The following TBC1D7 variants were observed in gnomAD, a reference collection of about 807,000 sequenced individuals.
The protein encoded by TBC1D7 is TBC domain family 7.
Under a neutral mutation model 35.3 loss-of-function variants are expected in TBC1D7, and 33 were observed. That is an observed-to-expected ratio of 0.93 (90% CI 0.71 to 1.25). TBC1D7 has a LOEUF of 1.25. Among genes scored for constraint, TBC1D7 ranks in the 50% most tolerant of loss-of-function variants. The pLI is 0.00. For missense variants in TBC1D7, 362 were observed against 365.3 expected (o/e 0.99, Z 0.07); for synonymous variants, 135 against 129.5 (o/e 1.04, Z -0.29).
At chr6:13,305,279 G>A in intron 7 of TBC1D7, 92 bp from the exon 8 acceptor site, 3 of 1,220,182 alleles carry the variant, frequency 2.5e-6, no homozygotes, top group Non-Finnish European at 3.6e-6. Context: ...CCACTTCCAT[G>A]GGAGTTTGCA....
chr6:13,317,326 G>C (rs141720577), intron 4 of TBC1D7, among the ~76,000 whole-genome samples: 2 of 152,142 alleles, frequency 1.3e-5, no homozygotes, highest in African/African-American at 4.8e-5. Context: ...AATTTCAACA[G>C]AGAAATCTTA....
rs1783287778 is a variant in TBC1D7, at chr6:13,312,449, G to A, written c.519+4122C>T. ...CACCTATAATCTCAGCACTTTGGGA[G>A]GCCGAGTGGGGGCAGATCACCTGAG... On this transcript the variant is annotated intron_variant, in intron 5 of 7. Coordinates refer to ENST00000379300, the MANE Select transcript of TBC1D7 (RefSeq NM_016495.6). Among the ~76,000 whole-genome samples the A allele has an allele frequency of 2.0e-5, 3 of 152,124 alleles. No individual in the cohort carries two copies. The South Asian group carries it at 6.2e-4, about 32-fold the overall frequency.
rs201113275 is a variant in TBC1D7 at position 13,306,442 on chromosome 6, T to C, written c.751A>G (p.Met251Val). The C allele has an allele frequency of 1.2e-6, 2 of 1,609,390 alleles. No individual in the cohort carries two copies. Among genetic ancestry groups the C allele is most frequent in the South Asian group, 2.2e-5 (2 of 90,282 alleles). ...ATCTTCTCTGCACTGTTCAGTGCCA[T>C]AACTTTTATTTTAAAGGTTAATAAA... ...EILLTFKIKV[M>V]ALNSAEKITK... The change falls in exon 7 of 8, where the codon ATG (methionine) becomes GTG (valine). Residue 251 changes from methionine to valine, a missense_variant. Transcript: ENST00000379300.
At chr6:13,321,838 C>T (rs562454670) in intron 3 of TBC1D7, among the ~76,000 whole-genome samples, 1 of 152,282 alleles carries the variant, frequency 6.6e-6, no homozygotes, top group South Asian at 2.1e-4. Flanking sequence ...TCACCAAATG[C>T]TTCTCCACAG....
At position 13,328,443 on chromosome 6, in the gene TBC1D7, G is replaced by A; in HGVS notation, c.-156C>T. On this transcript the variant is annotated 5_prime_UTR_variant, in exon 1 of 8. Coordinates refer to ENST00000379300, the MANE Select transcript of TBC1D7 (RefSeq NM_016495.6). Reference sequence around the variant, plus strand: ...GGACGAGTCCTGCGGGAAGGAGGGAGGCGGCGGGGTACCTGGGACACCCGC... The same window carrying A: ...GGACGAGTCCTGCGGGAAGGAGGGAAGCGGCGGGGTACCTGGGACACCCGC... The A allele has an allele frequency of 6.5e-6, 1 of 153,682 alleles. No individual in the cohort carries two copies. The highest frequency in any genetic ancestry group is 1.5e-5 in the Non-Finnish European group (1 of 68,350). The allele number at this position is 153,682 out of a possible 1,614,324, so 9.5% of individuals were successfully genotyped here.
At chr6:13,315,542 C>T (rs1272475027) in intron 5 of TBC1D7, among the ~76,000 whole-genome samples, 3 of 152,092 alleles carry the variant, frequency 2.0e-5, no homozygotes, top group East Asian at 1.9e-4. Flanking sequence ...GATGCAACCC[C>T]GTCTCTACTA....
chr6:13,308,152 G>GA (rs1323105050), intron 5 of TBC1D7, among the ~76,000 whole-genome samples: 1 of 152,014 alleles, frequency 6.6e-6, no homozygotes, highest in East Asian at 1.9e-4. Context: ...ATATACTAAG[G>GA]AAAAAAGGGG....
intron 5 of TBC1D7, among the ~76,000 whole-genome samples, chr6:13,315,950 C>A (rs1278106960): frequency 1.3e-5 from 2 of 152,240 alleles, no homozygotes; most frequent in African/African-American, 4.8e-5. Flanking sequence ...ACAGTTGTGG[C>A]TGGCTTGTCC....
intron 2 of TBC1D7, among the ~76,000 whole-genome samples, chr6:13,326,205 G>C (rs886371982): frequency 2.0e-5 from 3 of 152,174 alleles, no homozygotes; most frequent in Non-Finnish European, 2.9e-5. Context: ...ACTCCTGCCT[G>C]TAATCCCAGC....
At chr6:13,308,640 C>T (rs1332127881) in intron 5 of TBC1D7, among the ~76,000 whole-genome samples, 1 of 151,394 alleles carries the variant, frequency 6.6e-6, no homozygotes, top group Non-Finnish European at 1.5e-5. Flanking sequence ...TGCAGGAGTA[C>T]AACCAGGGCC....
At chr6:13,323,174 G>A (rs767552795) in intron 3 of TBC1D7, among the ~76,000 whole-genome samples, 9 of 152,132 alleles carry the variant, frequency 5.9e-5, no homozygotes, top group Non-Finnish European at 7.4e-5. Context: ...GCAACACAGT[G>A]AAACCCCATC....
At chr6:13,310,909 T>C (rs1014835946) in intron 5 of TBC1D7, among the ~76,000 whole-genome samples, 2 of 152,164 alleles carry the variant, frequency 1.3e-5, no homozygotes, top group African/African-American at 2.4e-5. Flanking sequence ...TAGCAAATGA[T>C]AGATAACATA....
rs139604378 is a variant in TBC1D7, at chr6:13,306,467, A to C, written c.726T>G (p.Ile242Met). 2.7e-5 allele frequency: 43 copies of C among 1,609,966 alleles called. No individual in the cohort carries two copies. In the African/African-American group the frequency reaches 5.1e-4, roughly 19 times the overall value. ...TAACTTTTATTTTAAAGGTTAATAA[A>C]ATTTCGACAGCTACAAAAACTAGGA... ...CKILVFVAVE[I>M]LLTFKIKVMA... Residue 242 changes from isoleucine (I) to methionine (M), a missense_variant, in exon 7 of 8, where the codon ATT becomes ATG. Ile to Met is a conservative substitution (Grantham distance 10). Coordinates refer to ENST00000379300, the MANE Select transcript of TBC1D7 (RefSeq NM_016495.6).
At chr6:13,317,560 A>G (rs1364241692) in intron 4 of TBC1D7, among the ~76,000 whole-genome samples, 2 of 152,254 alleles carry the variant, frequency 1.3e-5, no homozygotes, top group Non-Finnish European at 2.9e-5. Context: ...TTAATATTCT[A>G]TAAAATGTCA....
chr6:13,310,124 G>A (rs1783089234), intron 5 of TBC1D7, among the ~76,000 whole-genome samples: 1 of 152,196 alleles, frequency 6.6e-6, no homozygotes, highest in Admixed American at 6.5e-5. Flanking sequence ...ATTTAGCAAA[G>A]TAATTTATGC....
At chr6:13,321,948 C>G (rs887076335) in intron 3 of TBC1D7, among the ~76,000 whole-genome samples, 2 of 152,134 alleles carry the variant, frequency 1.3e-5, no homozygotes, top group Admixed American at 1.3e-4. Context: ...TAAAGAAAAA[C>G]ATTTTAGGCC....
intron 3 of TBC1D7, chr6:13,323,921 G>A (rs1211972297): frequency 6.6e-6 from 1 of 152,202 alleles, no homozygotes; most frequent in Non-Finnish European, 1.5e-5. Context: ...GCCTCAGAGA[G>A]TCTTTTCCCC....
intron 5 of TBC1D7, 22 bp from the exon 6 acceptor site, chr6:13,307,767 A>G: frequency 6.2e-7 from 1 of 1,604,424 alleles, no homozygotes; most frequent in South Asian, 1.1e-5. Flanking sequence ...GCAAGAACAG[A>G]GATTATTCAT....
Position 13,316,570 on chromosome 6 carries a change from C to G in TBC1D7, c.519+1G>C. 1.3e-6 allele frequency: 2 copies of G among 1,593,616 alleles called. No individual in the cohort carries two copies. The highest frequency in any genetic ancestry group is 1.7e-6 in the Non-Finnish European group (2 of 1,174,580). ...AGCCAAAAAAAAAAAAAAGCCCTCA[C>G]CAACTGGGGCAAGGAATCCCGGTAC... On this transcript the variant is annotated splice_donor_variant, in intron 5 of 7. Transcript: ENST00000379300. LOFTEE classifies it high-confidence loss of function.
Sources: allele counts gnomAD v4.1 joint callset (sites outside exome capture counted in the v4.1 genomes callset), GRCh38; gene constraint gnomAD v4.1.1; transcripts MANE v1.5; gene names NCBI Gene and HGNC (gene_info 2026-07-23, HGNC 2026-07-21).